RSPO2: variants seen among roughly 807,000 people sequenced by gnomAD.
RSPO2 encodes the protein R-spondin-2.
Under a neutral mutation model 30.9 loss-of-function variants are expected in RSPO2, and 14 were observed. The observed-to-expected ratio is 0.45, with a 90% CI of 0.30 to 0.71. The LOEUF (loss-of-function observed/expected upper bound fraction) is 0.71. Ranked by LOEUF, RSPO2 falls within the 30% of genes least tolerant of loss-of-function variation. The pLI is 0.08. For missense variants in RSPO2, 264 were observed against 301.9 expected (o/e 0.87, Z 0.93); for synonymous variants, 107 against 96.4 (o/e 1.11, Z -0.64).
At chr8:107,949,024 C>T (rs673812) in intron 5 of RSPO2, among the ~76,000 whole-genome samples, 78,491 of 146,402 alleles carry the variant, frequency 0.54, 23,117 homozygotes, top group East Asian at 0.7. Flanking sequence ...GGAGGTTTTT[C>T]CCCCTAATAG....
chr8:107,933,251 T>A (rs1812603019), intron 5 of RSPO2, among the ~76,000 whole-genome samples: 1 of 152,172 alleles, frequency 6.6e-6, no homozygotes, highest in Non-Finnish European at 1.5e-5. Flanking sequence ...ATGGCATCAT[T>A]TTTCTAGCAT....
At chr8:107,966,290 G>C (rs553630996) in intron 3 of RSPO2, among the ~76,000 whole-genome samples, 6 of 152,106 alleles carry the variant, frequency 3.9e-5, no homozygotes, top group Admixed American at 2.6e-4. Flanking sequence ...ATTGAGACAG[G>C]TAACAGTCCC....
rs1563741131 is a variant in RSPO2, at chr8:107,901,117, C to T, written c.690G>A (p.Glu230=). ...CTGTAGCTAGGAAGACGCTGTGTTG[C>T]TCCTGGGCCCTTTCTATCAGCTTCC... The part of the protein sequence containing the change: ...KKRKLIERAQ[E]QHSVFLATDR... Residue 230 remains glutamate (E), a synonymous_variant, in exon 6 of 6, where the codon GAG becomes GAA. Transcript: ENST00000276659. 1 of 1,614,160 alleles carries T rather than the reference C, an allele frequency of 6.2e-7. No individual in the cohort carries two copies. Among genetic ancestry groups the T allele is most frequent in the Non-Finnish European group, 8.5e-7 (1 of 1,180,008 alleles).
chr8:107,901,539 C>CT (rs1023615834), intron 5 of RSPO2, among the ~76,000 whole-genome samples: 5 of 152,214 alleles, frequency 3.3e-5, no homozygotes, highest in Non-Finnish European at 1.5e-5. Flanking sequence ...TTACATCTTA[C>CT]TACTGCTCCA....
chr8:107,951,125 G>A (rs914494539), intron 5 of RSPO2, among the ~76,000 whole-genome samples: 1 of 151,302 alleles, frequency 6.6e-6, no homozygotes, highest in African/African-American at 2.4e-5. Flanking sequence ...TGAGTGCAGT[G>A]GCACGATTTC....
At chr8:108,059,553 G>A (rs4552875) in intron 2 of RSPO2, among the ~76,000 whole-genome samples, 44,010 of 149,730 alleles carry the variant, frequency 0.29, 7,298 homozygotes, top group African/African-American at 0.44. Flanking sequence ...ACATGCACAC[G>A]TATGTTTATT....
Position 108,010,899 on chromosome 8 carries a change from T to C in RSPO2, c.95-21655A>G, listed in dbSNP as rs181063371. On this transcript the variant is annotated intron_variant, in intron 2 of 5. Transcript: ENST00000276659. ...TGACTAAGAGAAAGAAAGACCAAGA[T>C]AGAAACTAATTCAAGTGTAGAATGT... Among the ~76,000 whole-genome samples, 16 of 151,950 alleles carry C rather than the reference T, an allele frequency of 1.1e-4. No individual in the cohort carries two copies. The East Asian group carries it at 2.7e-3, about 26-fold the overall frequency.
At chr8:108,012,480 C>A (rs1241922939) in intron 2 of RSPO2, among the ~76,000 whole-genome samples, 1 of 152,190 alleles carries the variant, frequency 6.6e-6, no homozygotes, top group Non-Finnish European at 1.5e-5. Flanking sequence ...ATAATCTGCA[C>A]CCAAAAACCC....
In RSPO2 at chr8:107,981,416, T is replaced by A. The variant is rs2514845; in HGVS notation, c.283+7640A>T. On this transcript the variant is annotated intron_variant, in intron 3 of 5. Coordinates refer to ENST00000276659, the MANE Select transcript of RSPO2 (RefSeq NM_178565.5). ...TGCGCCTGTAGTCCCAGCTACTTGG[T>A]GCACTGAGGCACGAGAATTACTTGA... 5.6e-4 allele frequency among the ~76,000 whole-genome samples: 85 copies of A among 151,854 alleles called. 1 individual carries two copies. The South Asian group carries it at 7.7e-3, about 14-fold the overall frequency.
At chr8:107,937,769 T>C (rs1812767270) in intron 5 of RSPO2, among the ~76,000 whole-genome samples, 1 of 152,122 alleles carries the variant, frequency 6.6e-6, no homozygotes, top group African/African-American at 2.4e-5. Flanking sequence ...TATCTAAATT[T>C]GCAATTCTAC....
chr8:107,938,022 A>G (rs1163376400), intron 5 of RSPO2, among the ~76,000 whole-genome samples: 1 of 152,128 alleles, frequency 6.6e-6, no homozygotes, highest in Non-Finnish European at 1.5e-5. Context: ...AAATTGCAGC[A>G]TAAAAGTGCT....
intron 2 of RSPO2, among the ~76,000 whole-genome samples, chr8:108,007,555 A>G (rs186825993): frequency 9.8e-5 from 15 of 152,338 alleles, no homozygotes; most frequent in Admixed American, 4.6e-4. Flanking sequence ...ACGTCTGCAG[A>G]AAAGTCTTGT....
At chr8:108,072,492 A>ATTTTTTTTTTTT (rs71308776) in intron 2 of RSPO2, among the ~76,000 whole-genome samples, 35 of 122,600 alleles carry the variant, frequency 2.9e-4, no homozygotes, top group African/African-American at 1.0e-3. Context: ...AGCCCGGCTA[A>ATTTTTTTTTTTT]TTTTTTTTTT....
intron 5 of RSPO2, among the ~76,000 whole-genome samples, chr8:107,906,258 T>C (rs1201257446): frequency 1.3e-5 from 2 of 151,938 alleles, no homozygotes; most frequent in Non-Finnish European, 2.9e-5. Context: ...TGTAATGTAC[T>C]TAAATGTCCT....
chr8:108,018,537 T>C (rs777717132), intron 2 of RSPO2, among the ~76,000 whole-genome samples: 9 of 152,196 alleles, frequency 5.9e-5, no homozygotes, highest in Non-Finnish European at 1.0e-4. Flanking sequence ...TATTCCAGCA[T>C]TGGCTAAAAT....
chr8:107,956,912 A>G (rs1813452045), intron 5 of RSPO2, among the ~76,000 whole-genome samples: 1 of 152,218 alleles, frequency 6.6e-6, no homozygotes, highest in South Asian at 2.1e-4. Flanking sequence ...GTTTAAGTGA[A>G]CAAAACCATC....
chr8:108,064,176 A>G (rs1409220317), intron 2 of RSPO2, among the ~76,000 whole-genome samples: 1 of 152,198 alleles, frequency 6.6e-6, no homozygotes, highest in Non-Finnish European at 1.5e-5. Flanking sequence ...AAAATTGACA[A>G]ATCGGATCTA....
intron 2 of RSPO2, among the ~76,000 whole-genome samples, chr8:108,000,316 T>C (rs1815196740): frequency 6.6e-6 from 1 of 152,032 alleles, no homozygotes; most frequent in Non-Finnish European, 1.5e-5. Flanking sequence ...GAAAAATAAC[T>C]TTGGTTCAAT....
At chr8:107,936,859 GT>G (rs1812737546) in intron 5 of RSPO2, among the ~76,000 whole-genome samples, 1 of 151,958 alleles carries the variant, frequency 6.6e-6, no homozygotes, top group South Asian at 2.1e-4. Flanking sequence ...TGGGTTTATT[GT>G]TGTTTGAGAT....
Sources: allele counts gnomAD v4.1 joint callset (sites outside exome capture counted in the v4.1 genomes callset), GRCh38; gene constraint gnomAD v4.1.1; transcripts MANE v1.5; gene names NCBI Gene and HGNC (gene_info 2026-07-23, HGNC 2026-07-21).